The following PEBP4 variants were observed in gnomAD, a reference collection of about 807,000 sequenced individuals.
PEBP4 encodes the protein phosphatidylethanolamine binding protein 4.
A neutral mutation model predicts 23.9 loss-of-function variants in PEBP4; 22 were observed. The ratio of observed to expected loss-of-function variants is 0.92; its 90% CI spans 0.66 to 1.31. The LOEUF (loss-of-function observed/expected upper bound fraction) is 1.31. PEBP4 is among the 40% of genes most tolerant of loss of function. The probability of loss-of-function intolerance (pLI) is 0.00; values close to 1 mark genes in which losing one functional copy is unlikely to be tolerated. For missense variants in PEBP4, 324 were observed against 281.7 expected (o/e 1.15, Z -1.07); for synonymous variants, 112 against 99.3 (o/e 1.13, Z -0.76).
chr8:22,937,773 C>T (rs960302565), intron 1 of PEBP4, among the ~76,000 whole-genome samples: 2 of 143,026 alleles, frequency 1.4e-5, no homozygotes, highest in African/African-American at 5.3e-5. Flanking sequence ...CAGAAATAAA[C>T]CCTCATATGT....
At chr8:22,837,384 G>A (rs1289577039) in intron 3 of PEBP4, among the ~76,000 whole-genome samples, 3 of 152,200 alleles carry the variant, frequency 2.0e-5, no homozygotes, top group Non-Finnish European at 4.4e-5. Context: ...TATTCACACC[G>A]TGGTCTGTCC....
chr8:22,889,514 A>G (rs779657502), intron 3 of PEBP4, among the ~76,000 whole-genome samples: 2 of 152,182 alleles, frequency 1.3e-5, no homozygotes, highest in African/African-American at 2.4e-5. Context: ...AGGCAAGAGA[A>G]GTCTAAGGAA....
intron 4 of PEBP4, among the ~76,000 whole-genome samples, chr8:22,746,503 C>T (rs1002032174): frequency 6.6e-6 from 1 of 151,760 alleles, no homozygotes; most frequent in Admixed American, 6.6e-5. Flanking sequence ...GAGCTGTGTC[C>T]TCTCTCCTTC....
chr8:22,753,105 T>C (rs534593951), intron 4 of PEBP4, among the ~76,000 whole-genome samples: 36 of 152,330 alleles, frequency 2.4e-4, no homozygotes, highest in African/African-American at 7.9e-4. Flanking sequence ...TCAGCGCACA[T>C]TGATCGAGTG....
At chr8:22,749,293 C>G (rs1805195043) in intron 4 of PEBP4, among the ~76,000 whole-genome samples, 1 of 152,204 alleles carries the variant, frequency 6.6e-6, no homozygotes, top group African/African-American at 2.4e-5. Flanking sequence ...GGCCTGGTTA[C>G]TTGGTGCTTC....
At chr8:22,713,674 G>T in intron 6 of PEBP4, 138 bp from the exon 7 acceptor site, 1 of 1,211,220 alleles carries the variant, frequency 8.3e-7, no homozygotes, top group Non-Finnish European at 1.1e-6. Flanking sequence ...TAGTGGCTGG[G>T]GGAGCTTCCG....
chr8:22,761,806 GCT>G (rs1291077026), intron 4 of PEBP4, among the ~76,000 whole-genome samples: 2 of 152,018 alleles, frequency 1.3e-5, no homozygotes, highest in African/African-American at 2.4e-5. Flanking sequence ...CTTCTTTCTC[GCT>G]CTCTCTCTTT....
chr8:22,770,196 G>A (rs1196006706), intron 4 of PEBP4, among the ~76,000 whole-genome samples: 3 of 152,168 alleles, frequency 2.0e-5, no homozygotes, highest in Non-Finnish European at 2.9e-5. Context: ...CCTCTTCCTT[G>A]GGGCAGAGGA....
chr8:22,877,006 C>T (rs1243683067), intron 3 of PEBP4, among the ~76,000 whole-genome samples: 2 of 152,180 alleles, frequency 1.3e-5, no homozygotes, highest in South Asian at 4.1e-4. Flanking sequence ...TAGCATGATG[C>T]TTGGATCAGA....
At position 22,783,051 on chromosome 8, in the gene PEBP4, C is replaced by A. The variant is rs144323982; in HGVS notation, c.357+34586G>T. ...AGAGGGTACTGGCCAGGCACCTGCT[C>A]CATGCAGAAGCTGCACACCTGGCTG... On this transcript the variant is annotated intron_variant, in intron 4 of 6. Coordinates refer to ENST00000256404, the MANE Select transcript of PEBP4 (RefSeq NM_144962.3). Among the ~76,000 whole-genome samples the A allele has an allele frequency of 5.2e-3, 795 of 152,298 alleles. 4 individuals carry two copies. Among genetic ancestry groups the A allele is most frequent in the Non-Finnish European group, 7.9e-3 (537 of 68,026 alleles).
intron 4 of PEBP4, among the ~76,000 whole-genome samples, chr8:22,778,790 T>C (rs555023187): frequency 3.3e-4 from 51 of 152,280 alleles, no homozygotes; most frequent in African/African-American, 1.1e-3. Context: ...TGCCCTACCC[T>C]GGCCTTCTCT....
At chr8:22,787,064 C>A (rs1010808940) in intron 4 of PEBP4, among the ~76,000 whole-genome samples, 3 of 152,202 alleles carry the variant, frequency 2.0e-5, no homozygotes, top group Non-Finnish European at 4.4e-5. Context: ...CTCAAGCAAT[C>A]TTCCTGCCTC....
intron 3 of PEBP4, among the ~76,000 whole-genome samples, chr8:22,860,127 AAAAAAG>A (rs1162830180): frequency 8.5e-6 from 1 of 117,594 alleles, no homozygotes; most frequent in African/African-American, 3.0e-5. Flanking sequence ...AAAAAAAAAA[AAAAAAG>A]AAAAAGAAAA....
intron 1 of PEBP4, among the ~76,000 whole-genome samples, chr8:22,940,556 A>G (rs113851188): frequency 0.011 from 1,547 of 137,928 alleles, 31 homozygotes; most frequent in African/African-American, 0.039. Flanking sequence ...CAGCACAATC[A>G]TGGCTCACAG....
At chr8:22,764,194 T>C (rs928999779) in intron 4 of PEBP4, among the ~76,000 whole-genome samples, 5 of 152,242 alleles carry the variant, frequency 3.3e-5, no homozygotes, top group Non-Finnish European at 5.9e-5. Flanking sequence ...ATTGGGATTC[T>C]ATTGGGTTAG....
At chr8:22,868,995 C>A (rs1450516320) in intron 3 of PEBP4, among the ~76,000 whole-genome samples, 2 of 152,186 alleles carry the variant, frequency 1.3e-5, no homozygotes, top group Non-Finnish European at 2.9e-5. Context: ...TCTGCAGATA[C>A]CACCCCAAAA....
intron 4 of PEBP4, among the ~76,000 whole-genome samples, chr8:22,813,106 C>T (rs1434638495): frequency 6.6e-6 from 1 of 152,170 alleles, no homozygotes; most frequent in Non-Finnish European, 1.5e-5. Flanking sequence ...TCACCTAAAG[C>T]ACTTAGAAGC....
chr8:22,825,641 T>A (rs1480537400), intron 3 of PEBP4, among the ~76,000 whole-genome samples: 3 of 152,156 alleles, frequency 2.0e-5, no homozygotes, highest in African/African-American at 7.2e-5. Flanking sequence ...TCCCTCGGGT[T>A]CTAACATCCA....
At chr8:22,797,213 A>C (rs1381511920) in intron 4 of PEBP4, among the ~76,000 whole-genome samples, 1 of 149,080 alleles carries the variant, frequency 6.7e-6, no homozygotes, top group Non-Finnish European at 1.5e-5. Context: ...AGATTGCGCC[A>C]TTGTACTCCA....
Sources: allele counts gnomAD v4.1 joint callset (sites outside exome capture counted in the v4.1 genomes callset), GRCh38; gene constraint gnomAD v4.1.1; transcripts MANE v1.5; gene names NCBI Gene and HGNC (gene_info 2026-07-23, HGNC 2026-07-21).